ABCA9: variants seen among roughly 807,000 people sequenced by gnomAD.
The protein encoded by ABCA9 is ATP-binding cassette sub-family A member 9.
Under a neutral mutation model 205.3 loss-of-function variants are expected in ABCA9, and 183 were observed. The observed-to-expected ratio is 0.89, with a 90% CI of 0.79 to 1.01. The LOEUF is 1.01. Ranked by LOEUF, ABCA9 falls within the 50% of genes least tolerant of loss-of-function variation. The pLI is 0.00. For missense variants in ABCA9, 1,805 were observed against 1,912.4 expected, an observed-to-expected ratio of 0.94 and a Z score of 1.05; for synonymous variants, 651 against 683.3, an observed-to-expected ratio of 0.95 and a Z score of 0.74.
intron 6 of ABCA9, among the ~76,000 whole-genome samples, chr17:69,039,974 A>G (rs569212733): frequency 5.9e-5 from 9 of 152,376 alleles, no homozygotes; most frequent in African/African-American, 2.2e-4. Context: ...ATCACTAGTC[A>G]TTAGAGAAAT....
chr17:69,005,598 G>GT (rs2070099132), intron 25 of ABCA9, among the ~76,000 whole-genome samples: 1 of 152,176 alleles, frequency 6.6e-6, no homozygotes, highest in Non-Finnish European at 1.5e-5. Context: ...GAAAAGCTCC[G>GT]TATCAGGGAC....
chr17:68,996,982 G>A (rs1272614710), intron 25 of ABCA9, among the ~76,000 whole-genome samples: 1 of 152,138 alleles, frequency 6.6e-6, no homozygotes, highest in Non-Finnish European at 1.5e-5. Flanking sequence ...AAGTGCTGGA[G>A]TGCAATGGCA....
intron 31 of ABCA9, among the ~76,000 whole-genome samples, chr17:68,987,853 C>A (rs556802956): frequency 6.6e-6 from 1 of 151,932 alleles, no homozygotes; most frequent in Non-Finnish European, 1.5e-5. Context: ...CTTGGCCTCC[C>A]GGCCGGGTTC....
At chr17:69,003,416 T>G (rs1367520123) in intron 25 of ABCA9, among the ~76,000 whole-genome samples, 3 of 142,578 alleles carry the variant, frequency 2.1e-5, no homozygotes, top group Non-Finnish European at 4.6e-5. Flanking sequence ...GGTTGAAAAT[T>G]CTTTTCTTTA....
At chr17:69,056,520 T>A (rs891528278) in intron 1 of ABCA9, among the ~76,000 whole-genome samples, 1 of 152,186 alleles carries the variant, frequency 6.6e-6, no homozygotes, top group African/African-American at 2.4e-5. Context: ...TAATAATCAA[T>A]AATCTTCAAA....
At chr17:69,031,714 G>A (rs1459899512) in intron 10 of ABCA9, among the ~76,000 whole-genome samples, 1 of 152,128 alleles carries the variant, frequency 6.6e-6, no homozygotes, top group Non-Finnish European at 1.5e-5. Context: ...AAGCCAGGAA[G>A]GGAAGATGAG....
chr17:69,032,185 A>G lies in ABCA9; in HGVS notation c.1368T>C (p.Asn456=). The G allele has an allele frequency of 6.2e-7, 1 of 1,614,046 alleles. No individual in the cohort carries two copies. The highest frequency in any genetic ancestry group is 1.3e-5 in the African/African-American group (1 of 75,042). Reference sequence around the variant, plus strand: ...TAGGTGTAGGATCAGAATCTGTTTCATTCTCAAGGACCACATGATTAGCCC... The same window carrying G: ...TAGGTGTAGGATCAGAATCTGTTTCGTTCTCAAGGACCACATGATTAGCCC... ...HGRANHVVLE[N]ETDSDPTPND... is the part of the protein sequence containing the mutation. Residue 456 remains asparagine, a synonymous_variant, in exon 10 of 39, where the codon AAT becomes AAC. Coordinates refer to ENST00000340001, the MANE Select transcript of ABCA9 (RefSeq NM_080283.4).
At chr17:69,046,951 AT>A (rs397836610) in intron 3 of ABCA9, among the ~76,000 whole-genome samples, 1 of 146,426 alleles carries the variant, frequency 6.8e-6, no homozygotes, top group Non-Finnish European at 1.5e-5. Flanking sequence ...ATATATATAT[AT>A]AATTGTTGTT....
intron 27 of ABCA9, 74 bp from the exon 28 acceptor site, chr17:68,992,340 A>G (rs2144040348): frequency 1.0e-6 from 1 of 973,796 alleles, no homozygotes; most frequent in South Asian, 2.0e-5. Context: ...ATTGATTTAA[A>G]GAGTTTGATT....
In ABCA9 at chr17:68,995,530, C is replaced by T. The variant is rs567393828; in HGVS notation, c.3555+365G>A. ...ACCCCCATCTCCACACACCCTGACACATTGAATTCCTGACTCATGTATCTA... is the reference window on the plus strand; with the variant it reads ...ACCCCCATCTCCACACACCCTGACATATTGAATTCCTGACTCATGTATCTA... On this transcript the variant is annotated intron_variant, in intron 26 of 38. Transcript: ENST00000340001. Among the ~76,000 whole-genome samples the T allele has an allele frequency of 2.6e-5, 4 of 152,318 alleles. No homozygotes were observed. The South Asian group carries it at 8.3e-4, about 32-fold the overall frequency.
intron 29 of ABCA9, among the ~76,000 whole-genome samples, chr17:68,990,229 G>A (rs769517907): frequency 3.3e-5 from 5 of 152,124 alleles, no homozygotes; most frequent in Non-Finnish European, 5.9e-5. Context: ...CACACGCACC[G>A]CAGACAAGCT....
chr17:69,026,971 A>G lies in ABCA9; in HGVS notation c.2050+5T>C. 2 of 1,613,790 alleles carry G rather than the reference A, an allele frequency of 1.2e-6. No homozygotes were observed. The highest frequency in any genetic ancestry group is 1.7e-6 in the Non-Finnish European group (2 of 1,179,890). ...TGAAGATACATAAGAGAAACAAAAA[A>G]TTACCCGCCAGAATGTCAGCCTCAT... is the stretch of plus-strand genomic sequence containing the variant. On this transcript the variant is annotated splice_donor_5th_base_variant and intron_variant, in intron 15 of 38. Transcript: ENST00000340001.
chr17:69,050,914 TGTTA>T (rs1376645462), intron 2 of ABCA9, 113 bp downstream of exon 2: 5 of 818,968 alleles, frequency 6.1e-6, no homozygotes, highest in African/African-American at 5.3e-5. Flanking sequence ...AAATCTAGCT[TGTTA>T]ATTAGACTAC....
At chr17:69,007,630 G>A (rs999638914) in intron 25 of ABCA9, 129 bp downstream of exon 25, 11 of 612,356 alleles carry the variant, frequency 1.8e-5, no homozygotes, top group Middle Eastern at 4.6e-4. Flanking sequence ...ATAGTACTTT[G>A]ATTATCTTAG....
intron 34 of ABCA9, 68 bp downstream of exon 34, chr17:68,984,817 T>C: frequency 6.3e-7 from 1 of 1,591,128 alleles, no homozygotes; most frequent in Admixed American, 1.7e-5. Flanking sequence ...AAGTAAACAA[T>C]GATTTTGCAG....
intron 26 of ABCA9, among the ~76,000 whole-genome samples, chr17:68,993,362 A>C (rs2069517202): frequency 1.3e-5 from 2 of 152,198 alleles, no homozygotes; most frequent in Non-Finnish European, 2.9e-5. Context: ...GATCCTTTGA[A>C]GCAATGCCAA....
intron 1 of ABCA9, among the ~76,000 whole-genome samples, chr17:69,054,685 C>T (rs1369702337): frequency 6.6e-6 from 1 of 151,464 alleles, no homozygotes; most frequent in African/African-American, 2.4e-5. Flanking sequence ...ATTGTGTATA[C>T]TTATGTTTAT....
At chr17:68,988,996 T>C in intron 31 of ABCA9, 31 bp downstream of exon 31, 1 of 1,386,360 alleles carries the variant, frequency 7.2e-7, no homozygotes, top group South Asian at 1.2e-5. Flanking sequence ...TAGGTAGCAC[T>C]AATGACCATA....
At chr17:68,989,990 C>A in intron 29 of ABCA9, 60 bp from the exon 30 acceptor site, 9 of 1,158,582 alleles carry the variant, frequency 7.8e-6, no homozygotes, top group African/African-American at 1.5e-5. Flanking sequence ...AGAGGGTGTT[C>A]CACACTCTTG....
Sources: allele counts gnomAD v4.1 joint callset (sites outside exome capture counted in the v4.1 genomes callset), GRCh38; gene constraint gnomAD v4.1.1; transcripts MANE v1.5; gene names NCBI Gene and HGNC (gene_info 2026-07-23, HGNC 2026-07-21).